Variants in MYO1D observed in about 807,000 individuals in gnomAD.
MYO1D encodes the protein unconventional myosin-Id.
MYO1D carries 83 observed loss-of-function variants against 122.0 expected under a neutral mutation model. The ratio of observed to expected loss-of-function variants is 0.68; its 90% CI spans 0.57 to 0.82. The LOEUF (loss-of-function observed/expected upper bound fraction) is 0.82, where lower values mean the gene tolerates loss of function less well. Ranked by LOEUF, MYO1D falls within the 40% of genes least tolerant of loss-of-function variation. MYO1D has a pLI of 0.00. For missense variants in MYO1D, 1,157 were observed against 1,269.5 expected (o/e 0.91, Z 1.35); for synonymous variants, 464 against 446.9 (o/e 1.04, Z -0.48).
intron 21 of MYO1D, among the ~76,000 whole-genome samples, chr17:32,553,283 G>A (rs1007930444): frequency 3.3e-5 from 5 of 152,110 alleles, no homozygotes; most frequent in African/African-American, 1.2e-4. Context: ...GAACTATAGT[G>A]CCAAGGGACC....
chr17:32,562,586 G>C (rs1451783630), intron 21 of MYO1D, among the ~76,000 whole-genome samples: 1 of 152,024 alleles, frequency 6.6e-6, no homozygotes, highest in African/African-American at 2.4e-5. Context: ...GGGCTCAAGT[G>C]ATTCTTCTAC....
intron 20 of MYO1D, among the ~76,000 whole-genome samples, chr17:32,624,726 GT>G (rs543572119): frequency 0.029 from 4,308 of 149,752 alleles, 215 homozygotes; most frequent in African/African-American, 0.1. Flanking sequence ...TAAAGGTGCT[GT>G]TTTTTCCCCC....
chr17:32,856,221 T>C lies in MYO1D; in HGVS notation c.95+20557A>G, dbSNP rs535569819. Reference sequence around the variant, plus strand: ...ATATGGACAATTTCCACAAAAAGCATAGGAGCCTTCATCCTCTTCATGTCT... The same window carrying C: ...ATATGGACAATTTCCACAAAAAGCACAGGAGCCTTCATCCTCTTCATGTCT... On this transcript the variant is annotated intron_variant, in intron 1 of 21. Transcript: ENST00000318217. 1.2e-4 allele frequency among the ~76,000 whole-genome samples: 19 copies of C among 152,284 alleles called. No homozygotes were observed. In the South Asian group the frequency reaches 3.1e-3, roughly 25 times the overall value.
At chr17:32,650,692 G>GT (rs2088376841) in intron 19 of MYO1D, among the ~76,000 whole-genome samples, 1 of 151,918 alleles carries the variant, frequency 6.6e-6, no homozygotes, top group African/African-American at 2.4e-5. Context: ...CATTGAGTAT[G>GT]TTTTTTCCTC....
intron 11 of MYO1D, among the ~76,000 whole-genome samples, chr17:32,749,255 GGTAAAGT>G (rs1368874774): frequency 6.6e-6 from 1 of 152,174 alleles, no homozygotes; most frequent in Non-Finnish European, 1.5e-5. Flanking sequence ...GGACAATGGA[GGTAAAGT>G]GTGGCTGTTC....
At chr17:32,872,696 T>C (rs2091191974) in intron 1 of MYO1D, among the ~76,000 whole-genome samples, 1 of 151,586 alleles carries the variant, frequency 6.6e-6, no homozygotes, top group African/African-American at 2.4e-5. Context: ...GTCAATTTTT[T>C]TTTTTTTTTT....
chr17:32,563,922 T>C (rs115564315), intron 21 of MYO1D, among the ~76,000 whole-genome samples: 2,550 of 152,356 alleles, frequency 0.017, 78 homozygotes, highest in African/African-American at 0.059. Context: ...CTTGGTTTAC[T>C]ACAATTCTTG....
At chr17:32,767,945 C>A (rs190389177) in intron 6 of MYO1D, among the ~76,000 whole-genome samples, 193 bp from the exon 7 acceptor site, 3 of 152,194 alleles carry the variant, frequency 2.0e-5, no homozygotes, top group Non-Finnish European at 4.4e-5. Flanking sequence ...CCCACTTGTG[C>A]GTGAAAGCCA....
At chr17:32,501,020 A>G (rs912036999) in intron 21 of MYO1D, among the ~76,000 whole-genome samples, 9 of 152,040 alleles carry the variant, frequency 5.9e-5, no homozygotes, top group African/African-American at 1.4e-4. Context: ...AAAAAAAAAA[A>G]AAAGAAAATG....
intron 20 of MYO1D, among the ~76,000 whole-genome samples, chr17:32,619,212 A>G (rs1439938576): frequency 6.6e-6 from 1 of 152,208 alleles, no homozygotes; most frequent in African/African-American, 2.4e-5. Context: ...GAGTCTTCCT[A>G]TACTTTCAGT....
At chr17:32,778,385 C>A in intron 3 of MYO1D, 95 bp downstream of exon 3, 1 of 1,184,174 alleles carries the variant, frequency 8.4e-7, no homozygotes, top group Admixed American at 1.8e-5. Flanking sequence ...AGGTTTAGAC[C>A]CCCAAAATGC....
chr17:32,833,784 C>T (rs1174133587), intron 1 of MYO1D, among the ~76,000 whole-genome samples: 1 of 152,108 alleles, frequency 6.6e-6, no homozygotes, highest in Non-Finnish European at 1.5e-5. Context: ...TCTGCTGTTC[C>T]CTCTGCCTGG....
intron 20 of MYO1D, among the ~76,000 whole-genome samples, chr17:32,608,030 AC>A (rs770287646): frequency 1.1e-4 from 17 of 152,206 alleles, no homozygotes; most frequent in Admixed American, 3.3e-4. Flanking sequence ...AAACTAGAAA[AC>A]TTTTAGGAGA....
chr17:32,539,950 A>G (rs1415367551), intron 21 of MYO1D, among the ~76,000 whole-genome samples: 1 of 152,222 alleles, frequency 6.6e-6, no homozygotes, highest in Admixed American at 6.5e-5. Flanking sequence ...ATTGGTTAAA[A>G]ATACGGTCTC....
intron 21 of MYO1D, among the ~76,000 whole-genome samples, chr17:32,513,309 GA>G (rs767250549): frequency 6.0e-4 from 91 of 152,366 alleles, no homozygotes; most frequent in Admixed American, 1.9e-3. Context: ...GAGAGGGCAA[GA>G]GTGGGGTCCC....
chr17:32,862,574 G>T (rs2470220), intron 1 of MYO1D, among the ~76,000 whole-genome samples: 62,249 of 152,060 alleles, frequency 0.41, 13,053 homozygotes, highest in East Asian at 0.53. Context: ...AACAAGGAGG[G>T]TGGGATTATA....
At chr17:32,728,450 C>T (rs1440129685) in intron 14 of MYO1D, among the ~76,000 whole-genome samples, 2 of 152,144 alleles carry the variant, frequency 1.3e-5, no homozygotes, top group Non-Finnish European at 2.9e-5. Flanking sequence ...TTGTGATCTG[C>T]CCACCTTGGA....
In MYO1D at chr17:32,620,546, A is replaced by AC. The variant is rs1261132110; in HGVS notation, c.2710-15306dup. Among the ~76,000 whole-genome samples, 843 of 148,692 alleles carry AC rather than the reference A, an allele frequency of 5.7e-3. 4 individuals carry two copies. The highest frequency in any genetic ancestry group is 0.017 in the African/African-American group (702 of 40,286). The stretch of plus-strand genomic sequence containing the variant: ...AGGAGGCAAAAAGAAAAGCCAGGGA[A>AC]CCCCCCCCTGCCAAGTTCCTCCAGA... On this transcript the variant is annotated intron_variant, in intron 20 of 21. Transcript: ENST00000318217.
At chr17:32,642,248 TG>T (rs1248643223) in intron 19 of MYO1D, among the ~76,000 whole-genome samples, 2 of 152,190 alleles carry the variant, frequency 1.3e-5, no homozygotes, top group Admixed American at 6.5e-5. Flanking sequence ...TGTAGATGTG[TG>T]GTATTATTTC....
Sources: gnomAD v4.1 joint callset for allele counts (sites outside exome capture counted in the v4.1 genomes callset) on GRCh38, gnomAD v4.1.1 for gene constraint, MANE v1.5 for transcripts, NCBI Gene and HGNC (gene_info 2026-07-23, HGNC 2026-07-21) for gene names.